Variants in PTPRD observed in about 807,000 individuals in gnomAD.
The protein encoded by PTPRD is protein tyrosine phosphatase receptor type D, also known as receptor-type tyrosine-protein phosphatase delta.
PTPRD carries 34 observed loss-of-function variants against 214.5 expected under a neutral mutation model. The observed-to-expected ratio is 0.16, with a 90% CI of 0.12 to 0.21. PTPRD has a LOEUF of 0.21. PTPRD is among the 10% of genes least tolerant of loss of function. PTPRD has a pLI of 1.00. For synonymous variants in PTPRD, 1,128 were observed against 845.7 expected (o/e 1.33, Z -5.79); for missense variants, 2,545 against 2,398.7 (o/e 1.06, Z -1.27).
At chr9:8,791,624 T>A (rs2096241841) in intron 11 of PTPRD, among the ~76,000 whole-genome samples, 1 of 150,388 alleles carries the variant, frequency 6.6e-6, no homozygotes. Flanking sequence ...GTCTCCCAGT[T>A]TCAAGCGATT....
chr9:10,188,066 A>C (rs2099346044), intron 3 of PTPRD, among the ~76,000 whole-genome samples: 1 of 152,172 alleles, frequency 6.6e-6, no homozygotes, highest in African/African-American at 2.4e-5. Context: ...TCATGTTTTA[A>C]TATCTCTGCT....
chr9:9,755,820 T>G (rs2098565806), intron 6 of PTPRD, among the ~76,000 whole-genome samples: 2 of 152,070 alleles, frequency 1.3e-5, no homozygotes, highest in Non-Finnish European at 2.9e-5. Flanking sequence ...TTATTCAATT[T>G]ATATAAAATT....
intron 9 of PTPRD, among the ~76,000 whole-genome samples, chr9:9,389,376 G>A (rs537228431): frequency 6.6e-6 from 1 of 152,194 alleles, no homozygotes; most frequent in South Asian, 2.1e-4. Flanking sequence ...CGGGCGTGGT[G>A]GCACATGCCT....
chr9:9,950,741 AAAAAAAAAAAAAAAAAAAAG>A (rs1477715430), intron 4 of PTPRD, among the ~76,000 whole-genome samples: 3 of 33,336 alleles, frequency 9.0e-5, no homozygotes, highest in Non-Finnish European at 4.2e-5. Context: ...AAAAAAAAAA[AAAAAAAAAAAAAAAAAAAAG>A]AAGAAAGTGG....
At chr9:8,586,655 C>T (rs1445476348) in intron 14 of PTPRD, among the ~76,000 whole-genome samples, 1 of 152,226 alleles carries the variant, frequency 6.6e-6, no homozygotes, top group Non-Finnish European at 1.5e-5. Context: ...CTCTGCCTCA[C>T]TACAACAAGC....
chr9:8,759,362 T>C (rs1292214605), intron 11 of PTPRD, among the ~76,000 whole-genome samples: 4 of 152,220 alleles, frequency 2.6e-5, no homozygotes, highest in Non-Finnish European at 4.4e-5. Context: ...TAATGTTATT[T>C]AATTGTAATT....
chr9:9,685,472 T>A (rs2097151108), intron 7 of PTPRD, among the ~76,000 whole-genome samples: 1 of 151,390 alleles, frequency 6.6e-6, no homozygotes, highest in South Asian at 2.1e-4. Context: ...ATTTCATGAT[T>A]TAAATGCTTT....
chr9:9,587,313 C>G (rs2092152475), intron 7 of PTPRD, among the ~76,000 whole-genome samples: 1 of 151,882 alleles, frequency 6.6e-6, no homozygotes, highest in African/African-American at 2.4e-5. Context: ...TTTTAATACA[C>G]TAATCTATGA....
intron 8 of PTPRD, among the ~76,000 whole-genome samples, chr9:9,459,743 C>T (rs2093452711): frequency 6.6e-6 from 1 of 152,046 alleles, no homozygotes; most frequent in Admixed American, 6.6e-5. Flanking sequence ...TAGGAATAAT[C>T]AATATCATTA....
At chr9:10,582,897 T>G (rs1451091843) in intron 2 of PTPRD, among the ~76,000 whole-genome samples, 2 of 152,184 alleles carry the variant, frequency 1.3e-5, no homozygotes, top group Non-Finnish European at 2.9e-5. Flanking sequence ...AAGTAATATT[T>G]AGGCTAACAT....
At chr9:10,273,261 T>C (rs1007534796) in intron 3 of PTPRD, among the ~76,000 whole-genome samples, 5 of 152,154 alleles carry the variant, frequency 3.3e-5, no homozygotes, top group Admixed American at 6.5e-5. Flanking sequence ...GGCTCCTCAG[T>C]TTATAGATCT....
At position 8,936,427 on chromosome 9, in the gene PTPRD, C is replaced by CAAAAAAAAAAAAAAAAAA. The variant is rs1181403459; in HGVS notation, c.-104+82252_-104+82269dup. 2.6e-3 allele frequency among the ~76,000 whole-genome samples: 81 copies of CAAAAAAAAAAAAAAAAAA among 31,598 alleles called. 2 individuals are homozygous for CAAAAAAAAAAAAAAAAAA. Among genetic ancestry groups the CAAAAAAAAAAAAAAAAAA allele is most frequent in the Middle Eastern group, 0.045 (1 of 22 alleles). 20.7% of individuals were successfully genotyped at this position (31,598 alleles called of 152,430 possible). ...AGGCAACAGAGCAAGACCCTGCCTC[C>CAAAAAAAAAAAAAAAAAA]AAAAAAAAAAAAAAAAAAAAAAAGA... On this transcript the variant is annotated intron_variant, in intron 11 of 45. Transcript: ENST00000381196.
intron 9 of PTPRD, among the ~76,000 whole-genome samples, chr9:9,391,424 A>G (rs547651527): frequency 6.6e-6 from 1 of 152,200 alleles, no homozygotes; most frequent in African/African-American, 2.4e-5. Flanking sequence ...ACTAGGTAAG[A>G]CTATTTCTAT....
intron 11 of PTPRD, among the ~76,000 whole-genome samples, chr9:8,797,480 G>A (rs1160053381): frequency 1.3e-5 from 2 of 152,180 alleles, no homozygotes; most frequent in East Asian, 3.9e-4. Flanking sequence ...AGCGATATAT[G>A]ATGCAGTTAG....
At chr9:9,859,117 T>G (rs2062142648) in intron 5 of PTPRD, among the ~76,000 whole-genome samples, 1 of 152,154 alleles carries the variant, frequency 6.6e-6, no homozygotes, top group African/African-American at 2.4e-5. Context: ...CACTCCCCCA[T>G]GCTCACACGC....
chr9:8,909,559 C>A (rs767081243), intron 11 of PTPRD, among the ~76,000 whole-genome samples: 1 of 152,084 alleles, frequency 6.6e-6, no homozygotes, highest in Non-Finnish European at 1.5e-5. Context: ...ATTCCAGATA[C>A]AAACTTTCAA....
chr9:9,680,882 T>TA (rs1409478167), intron 7 of PTPRD, among the ~76,000 whole-genome samples: 2 of 151,832 alleles, frequency 1.3e-5, no homozygotes, highest in East Asian at 3.9e-4. Flanking sequence ...TTCTTACTGT[T>TA]ATGAGCATTA....
At chr9:9,469,311 T>C (rs2094433791) in intron 8 of PTPRD, among the ~76,000 whole-genome samples, 1 of 152,170 alleles carries the variant, frequency 6.6e-6, no homozygotes, top group African/African-American at 2.4e-5. Context: ...TGGATAGTTC[T>C]CATTTAGAAA....
At chr9:8,349,180 G>C (rs1229389486) in intron 39 of PTPRD, among the ~76,000 whole-genome samples, 1 of 152,158 alleles carries the variant, frequency 6.6e-6, no homozygotes, top group Admixed American at 6.6e-5. Context: ...ATAAAGTAAT[G>C]CTTATAATTT....
Sources: gnomAD v4.1 joint callset for allele counts (sites outside exome capture counted in the v4.1 genomes callset) on GRCh38, gnomAD v4.1.1 for gene constraint, MANE v1.5 for transcripts, NCBI Gene and HGNC (gene_info 2026-07-23, HGNC 2026-07-21) for gene names.